ANTXRL: variants seen among roughly 807,000 people sequenced by gnomAD.
ANTXRL encodes ANTXR like.
A neutral mutation model predicts 75.4 loss-of-function variants in ANTXRL; 63 were observed. The observed-to-expected ratio is 0.84, with a 90% CI of 0.68 to 1.03. The LOEUF is 1.03. Among genes scored for constraint, ANTXRL ranks in the 50% least tolerant of loss-of-function variants. The pLI is 0.00. For synonymous variants in ANTXRL, 335 were observed against 291.3 expected (o/e 1.15, Z -1.53); for missense variants, 797 against 789.4 (o/e 1.01, Z -0.12).
intron 7 of ANTXRL, 88 bp from the exon 8 acceptor site, chr10:46,297,743 A>G: frequency 8.4e-7 from 1 of 1,183,542 alleles, no homozygotes; most frequent in Admixed American, 2.0e-5. Context: ...CCCCCAAAGC[A>G]TGAGGGCAAG....
chr10:46,305,769 A>G lies in ANTXRL; in HGVS notation c.896-1034A>G, dbSNP rs1176624369. Among the ~76,000 whole-genome samples, 4 of 152,134 alleles carry G rather than the reference A, an allele frequency of 2.6e-5. No individual in the cohort carries two copies. The South Asian group carries it at 8.3e-4, about 31-fold the overall frequency. On this transcript the variant is annotated intron_variant, in intron 10 of 16. Transcript: ENST00000620264. ...CAAAAATGAGTAAATAGATACATAA[A>G]TAAACAAAAATTGGAAAACAAAATT...
chr10:46,320,902 T>A (rs1838948495), intron 16 of ANTXRL, among the ~76,000 whole-genome samples: 1 of 152,182 alleles, frequency 6.6e-6, no homozygotes. Flanking sequence ...CGTAGATAAT[T>A]CCCAGGTCTT....
rs10906952 is a variant in ANTXRL at position 46,330,039 on chromosome 10, G to A, written c.1851G>A (p.Thr617=). ...LPLLSPLLRH[T]AEPPLSLPPS... ...TGCTGTCCCCACTGCTCAGGCACAC[G>A]GCAGAACCCCCTTTGTCACTCCCCC... The change falls in exon 17 of 17, where the codon ACG becomes ACA. Residue 617 remains threonine (T), a synonymous_variant. Transcript: ENST00000620264. 0.39 allele frequency: 597,195 copies of A among 1,520,798 alleles called. 119,249 individuals carry two copies. Among genetic ancestry groups the A allele is most frequent in the Admixed American group, 0.49 (24,747 of 50,662 alleles). 94.2% of individuals were successfully genotyped at this position (1,520,798 alleles called of 1,614,324 possible).
chr10:46,311,947 T>A (rs74423205), intron 15 of ANTXRL, among the ~76,000 whole-genome samples: 3 of 134,200 alleles, frequency 2.2e-5, no homozygotes, highest in East Asian at 4.1e-4. Flanking sequence ...GTGGCAGCTT[T>A]TGATGTCTGA....
At chr10:46,292,222 C>T (rs570235846) in intron 2 of ANTXRL, 93 bp downstream of exon 2, 28 of 1,223,200 alleles carry the variant, frequency 2.3e-5, no homozygotes, top group African/African-American at 2.0e-4. Context: ...ATGGGGTGGG[C>T]GTGGGAGTCC....
chr10:46,310,558 C>G, intron 14 of ANTXRL, 59 bp downstream of exon 14: 1 of 1,495,356 alleles, frequency 6.7e-7, no homozygotes, highest in Non-Finnish European at 9.0e-7. Flanking sequence ...TGACCTTCAC[C>G]AAGAGTGCCA....
chr10:46,308,839 C>T (rs552089748), intron 12 of ANTXRL, among the ~76,000 whole-genome samples: 2 of 152,230 alleles, frequency 1.3e-5, no homozygotes, highest in African/African-American at 4.8e-5. Context: ...CACAGAAGCC[C>T]TGTGCTGCAG....
intron 11 of ANTXRL, 61 bp from the exon 12 acceptor site, chr10:46,307,341 C>A: frequency 8.0e-7 from 1 of 1,243,568 alleles, no homozygotes; most frequent in Non-Finnish European, 1.1e-6. Flanking sequence ...CCATGCTGTC[C>A]AAGGGCAAGA....
At chr10:46,316,598 C>A (rs1341684064) in intron 16 of ANTXRL, among the ~76,000 whole-genome samples, 2 of 152,034 alleles carry the variant, frequency 1.3e-5, no homozygotes, top group African/African-American at 2.4e-5. Flanking sequence ...GTGGTAGAGC[C>A]GGGTTATGAA....
chr10:46,298,147 T>C (rs1449493554), intron 9 of ANTXRL, 85 bp downstream of exon 9: 17 of 1,109,250 alleles, frequency 1.5e-5, no homozygotes, highest in Non-Finnish European at 2.1e-5. Flanking sequence ...TTGTTTGGTA[T>C]GTGTGGGGGA....
chr10:46,309,171 TG>T lies in ANTXRL; in HGVS notation c.1104del (p.Cys369ValfsTer52), dbSNP rs1554962755. On this transcript the variant is annotated frameshift_variant, in exon 13 of 17. Transcript: ENST00000620264. LOFTEE classifies it high-confidence loss of function. ...CTCCTGCTGCTTGTGCCACTGCTGC[TG>T]TGTTGTGTCTGGCGGCTGTGCCGCA... is the stretch of plus-strand genomic sequence containing the variant. ...VPLLLLVPLL[L>X]CCVWRLCRKQ... is the part of the protein sequence containing the mutation. The T allele has an allele frequency of 3.9e-6, 6 of 1,535,846 alleles. No homozygotes were observed. The highest frequency in any genetic ancestry group is 1.7e-4 in the Middle Eastern group (1 of 5,982).
intron 16 of ANTXRL, among the ~76,000 whole-genome samples, chr10:46,314,000 C>T (rs782229305): frequency 2.0e-5 from 3 of 152,314 alleles, no homozygotes; most frequent in Admixed American, 6.5e-5. Flanking sequence ...GCTTCTGGCT[C>T]GGCCTGGGAC....
At chr10:46,323,894 A>G (rs1000742492) in intron 16 of ANTXRL, among the ~76,000 whole-genome samples, 10 of 152,154 alleles carry the variant, frequency 6.6e-5, no homozygotes, top group African/African-American at 1.7e-4. Context: ...GAGGCAATTA[A>G]GGGAAAATTT....
intron 16 of ANTXRL, among the ~76,000 whole-genome samples, chr10:46,329,381 C>A (rs1459111774): frequency 1.3e-5 from 2 of 152,068 alleles, no homozygotes; most frequent in Non-Finnish European, 2.9e-5. Context: ...CCAAGGCTGC[C>A]TGGAGAGGAA....
At chr10:46,303,349 T>C (rs1163753035) in intron 10 of ANTXRL, among the ~76,000 whole-genome samples, 2 of 152,204 alleles carry the variant, frequency 1.3e-5, no homozygotes, top group Non-Finnish European at 2.9e-5. Flanking sequence ...ATGAGTGTTC[T>C]ACTCTGAGCC....
At chr10:46,314,205 G>A (rs1310450285) in intron 16 of ANTXRL, among the ~76,000 whole-genome samples, 1 of 152,144 alleles carries the variant, frequency 6.6e-6, no homozygotes, top group Non-Finnish European at 1.5e-5. Context: ...GAAATGGGCC[G>A]GGAGCCCCTG....
chr10:46,325,204 C>G (rs1424122749), intron 16 of ANTXRL, among the ~76,000 whole-genome samples: 1 of 152,106 alleles, frequency 6.6e-6, no homozygotes, highest in Non-Finnish European at 1.5e-5. Context: ...ATTAAAATCT[C>G]TTGGGTCCCC....
In ANTXRL at chr10:46,287,491, C is replaced by A; in HGVS notation, c.229C>A (p.Leu77Ile). Reference sequence around the variant, plus strand: ...TCACAGATGCCAGGGCTCATTTGACCTCTACTTCATCTTGGACAAGTGAGT... The same window carrying A: ...TCACAGATGCCAGGGCTCATTTGACATCTACTTCATCTTGGACAAGTGAGT... ...AGHRCQGSFD[L>I]YFILDKSGSV... Residue 77 changes from leucine to isoleucine, a missense_variant, in exon 1 of 17, where the codon CTC becomes ATC. By Grantham distance (5) the Leu-to-Ile change is conservative. Transcript: ENST00000620264. 3 of 1,535,640 alleles carry A rather than the reference C, an allele frequency of 2.0e-6. No homozygotes were observed. Among genetic ancestry groups the A allele is most frequent in the Non-Finnish European group, 2.6e-6 (3 of 1,146,638 alleles).
At position 46,329,693 on chromosome 10, in the gene ANTXRL, C is replaced by T; in HGVS notation, c.1505C>T (p.Ser502Phe). 1 of 1,536,288 alleles carries T rather than the reference C, an allele frequency of 6.5e-7. No homozygotes were observed. The highest frequency in any genetic ancestry group is 8.7e-7 in the Non-Finnish European group (1 of 1,146,838). Residue 502 changes from serine to phenylalanine, a missense_variant, in exon 17 of 17, where the codon TCC becomes TTC. Ser to Phe is a radical substitution (Grantham distance 155). Around this residue, in one of 3 missense-constraint regions of ANTXRL, gnomAD observed 479 missense variants for 422.0 expected, o/e 1.14. Transcript: ENST00000620264. ...ICFPHSQECL[S>F]LPQAPCSPRM... ...TTTCCACACAGCCAGGAGTGCCTTT[C>T]CCTACCACAGGCTCCCTGCAGCCCA...
Sources: gnomAD v4.1 joint callset for allele counts (sites outside exome capture counted in the v4.1 genomes callset) on GRCh38, gnomAD v4.1.1 for gene constraint, gnomAD v4.1.1 regional missense constraint, MANE v1.5 for transcripts, NCBI Gene and HGNC (gene_info 2026-07-23, HGNC 2026-07-21) for gene names.